CEP85L: variants seen among roughly 807,000 people sequenced by gnomAD.
The protein encoded by CEP85L is centrosomal protein 85L.
In CEP85L, 60 loss-of-function variants were observed where a neutral mutation model predicts 100.3. The observed-to-expected ratio is 0.60, with a 90% CI of 0.49 to 0.74. The LOEUF (loss-of-function observed/expected upper bound fraction) is 0.74, where lower values mean the gene tolerates loss of function less well. Ranked by LOEUF, CEP85L falls within the 30% of genes least tolerant of loss-of-function variation. The probability of loss-of-function intolerance (pLI) is 0.00; values close to 1 mark genes in which losing one functional copy is unlikely to be tolerated. For synonymous variants in CEP85L, 319 were observed against 322.7 expected, an observed-to-expected ratio of 0.99 and a Z score of 0.12; for missense variants, 973 against 936.2, an observed-to-expected ratio of 1.04 and a Z score of -0.51.
intron 3 of CEP85L, chr6:118,559,452 G>T: frequency 1.5e-5 from 4 of 271,476 alleles, no homozygotes; most frequent in South Asian, 9.1e-5. Flanking sequence ...ACTCTTTTGA[G>T]GTGAATATAA....
intron 10 of CEP85L, among the ~76,000 whole-genome samples, chr6:118,474,910 T>G (rs1773239772): frequency 6.6e-6 from 1 of 152,176 alleles, no homozygotes; most frequent in Admixed American, 6.5e-5. Context: ...GGAAAAACAG[T>G]GAGATAGCTG....
At chr6:118,549,607 T>C (rs1372454011) in intron 3 of CEP85L, among the ~76,000 whole-genome samples, 4 of 151,818 alleles carry the variant, frequency 2.6e-5, no homozygotes, top group Non-Finnish European at 5.9e-5. Flanking sequence ...AAAAACATAA[T>C]TTTTGTCTAC....
intron 6 of CEP85L, among the ~76,000 whole-genome samples, chr6:118,489,639 A>G (rs1774418475): frequency 6.6e-6 from 1 of 152,204 alleles, no homozygotes; most frequent in Non-Finnish European, 1.5e-5. Context: ...TGAAAAAAGA[A>G]AATAACAAAT....
chr6:118,573,724 T>A (rs1780048747), intron 2 of CEP85L, among the ~76,000 whole-genome samples: 1 of 152,136 alleles, frequency 6.6e-6, no homozygotes. Flanking sequence ...GATGGGTATA[T>A]ATTATAATTT....
At chr6:118,699,912 C>T (rs1454350293) in intron 1 of CEP85L, among the ~76,000 whole-genome samples, 2 of 152,174 alleles carry the variant, frequency 1.3e-5, no homozygotes, top group African/African-American at 4.8e-5. Flanking sequence ...CCACGCTGGT[C>T]TTGAACTCTT....
intron 8 of CEP85L, among the ~76,000 whole-genome samples, chr6:118,480,902 A>T (rs1241298483): frequency 6.6e-6 from 1 of 152,120 alleles, no homozygotes; most frequent in Non-Finnish European, 1.5e-5. Flanking sequence ...AAGAATATGG[A>T]TCCACATCTT....
intron 10 of CEP85L, among the ~76,000 whole-genome samples, chr6:118,475,558 G>A (rs981736441): frequency 6.6e-6 from 1 of 151,856 alleles, no homozygotes; most frequent in Non-Finnish European, 1.5e-5. Flanking sequence ...GTTTCACTGT[G>A]TTAGCCAGGA....
At chr6:118,597,815 C>G (rs1781532425) in intron 2 of CEP85L, among the ~76,000 whole-genome samples, 1 of 152,134 alleles carries the variant, frequency 6.6e-6, no homozygotes, top group African/African-American at 2.4e-5. Context: ...AGGCAGCATA[C>G]CAGTCTGGAT....
At chr6:118,558,652 C>CAGAGAGAG (rs1482465423) in intron 3 of CEP85L, among the ~76,000 whole-genome samples, 11 of 132,892 alleles carry the variant, frequency 8.3e-5, no homozygotes, top group African/African-American at 3.3e-4. Flanking sequence ...CACACACACA[C>CAGAGAGAG]ACACACACAG....
chr6:118,587,350 T>C (rs1247567456), intron 2 of CEP85L, among the ~76,000 whole-genome samples: 1 of 152,198 alleles, frequency 6.6e-6, no homozygotes, highest in Non-Finnish European at 1.5e-5. Context: ...GAAAAGTTGA[T>C]GGAGTAATAG....
intron 2 of CEP85L, among the ~76,000 whole-genome samples, chr6:118,625,170 A>T (rs183320790): frequency 6.6e-6 from 1 of 152,288 alleles, no homozygotes; most frequent in East Asian, 1.9e-4. Flanking sequence ...CCCAATAGAA[A>T]CATCTCCCAA....
chr6:118,482,003 G>A (rs1382039945), intron 7 of CEP85L, 70 bp from the exon 8 acceptor site: 2 of 839,130 alleles, frequency 2.4e-6, no homozygotes, highest in Admixed American at 4.1e-5. Context: ...AACTGTTACT[G>A]TGTTGGCAAG....
chr6:118,580,871 C>A (rs1780534356), intron 2 of CEP85L, among the ~76,000 whole-genome samples: 1 of 152,182 alleles, frequency 6.6e-6, no homozygotes. Context: ...CTCAAGAATG[C>A]CATTGCAATC....
At chr6:118,675,002 A>T (rs189191544) in intron 1 of CEP85L, among the ~76,000 whole-genome samples, 60 of 152,316 alleles carry the variant, frequency 3.9e-4, no homozygotes, top group Non-Finnish European at 7.2e-4. Flanking sequence ...AATAACCTAT[A>T]TACAAACATT....
upstream of CEP85L, among the ~76,000 whole-genome samples, chr6:118,654,789 T>G (rs544636253): frequency 6.6e-6 from 1 of 152,352 alleles, no homozygotes; most frequent in South Asian, 2.1e-4. Context: ...ACAGGATTGC[T>G]GTGGGGTTTA....
At chr6:118,634,820 A>G (rs1475544134) in intron 1 of CEP85L, among the ~76,000 whole-genome samples, 1 of 152,216 alleles carries the variant, frequency 6.6e-6, no homozygotes, top group African/African-American at 2.4e-5. Context: ...TCACAAGTGC[A>G]AACCTATTAG....
intron 10 of CEP85L, among the ~76,000 whole-genome samples, chr6:118,478,753 T>G (rs529999709): frequency 6.6e-6 from 1 of 152,296 alleles, no homozygotes; most frequent in African/African-American, 2.4e-5. Flanking sequence ...TATTCATTTA[T>G]GTATGGTCAT....
chr6:118,613,263 A>G (rs1400472622), intron 2 of CEP85L, among the ~76,000 whole-genome samples: 2 of 152,124 alleles, frequency 1.3e-5, no homozygotes, highest in East Asian at 1.9e-4. Context: ...ACATCACCAC[A>G]TAGCCTGCAG....
At chr6:118,512,691 T>A (rs1195953718) in intron 4 of CEP85L, among the ~76,000 whole-genome samples, 1 of 152,154 alleles carries the variant, frequency 6.6e-6, no homozygotes, top group Non-Finnish European at 1.5e-5. Flanking sequence ...GTTTGTAAGA[T>A]GAGTCTTGTC....
Sources: allele counts gnomAD v4.1 joint callset (sites outside exome capture counted in the v4.1 genomes callset), GRCh38; gene constraint gnomAD v4.1.1; transcripts MANE v1.5; gene names NCBI Gene and HGNC (gene_info 2026-07-23, HGNC 2026-07-21).